Variants in EIF3B observed in about 807,000 individuals in gnomAD.
EIF3B encodes the protein eukaryotic translation initiation factor 3 subunit 9.
Under a neutral mutation model 104.6 loss-of-function variants are expected in EIF3B, and 10 were observed. The ratio of observed to expected loss-of-function variants is 0.10; its 90% confidence interval spans 0.06 to 0.16. The LOEUF is 0.16. Ranked by LOEUF, EIF3B falls within the 10% of genes least tolerant of loss-of-function variation. The pLI is 1.00. For missense variants in EIF3B, 1,014 were observed against 1,087.9 expected, an observed-to-expected ratio of 0.93 and a Z score of 0.96; for synonymous variants, 542 against 417.2, an observed-to-expected ratio of 1.30 and a Z score of -3.65.
chr7:2,367,002 A>G lies in EIF3B; in HGVS notation c.1360A>G (p.Met454Val), dbSNP rs1238394790. 30 of 1,612,332 alleles carry G rather than the reference A, an allele frequency of 1.9e-5. No individual in the cohort carries two copies. The highest frequency in any genetic ancestry group is 4.0e-5 in the African/African-American group (3 of 74,490). Reference protein sequence around the residue: ...DTLSIYETPSMGLLDKKSLKI... With the variant: ...DTLSIYETPSVGLLDKKSLKI... ...AGCCTTCCTTTTTTTTGGGCAGTCTATGGGTCTTTTGGACAAGAAGAGTTT... is the reference window on the plus strand; with the variant it reads ...AGCCTTCCTTTTTTTTGGGCAGTCTGTGGGTCTTTTGGACAAGAAGAGTTT... The change falls in exon 9 of 19, where the codon ATG becomes GTG. Residue 454 changes from methionine to valine, a missense_variant. Physicochemically the swap from Met to Val is conservative, Grantham distance 21. Transcript: ENST00000360876.
rs1243765450 is a variant in EIF3B at position 2,379,467 on chromosome 7, A to G, written c.2415A>G (p.Glu805=). The stretch of plus-strand genomic sequence containing the variant: ...AGACCATTGAGTTCTTCGTCACTGA[A>G]GAAATCATTCCCCTCGGGAATCAGG... ...EEETIEFFVT[E]EIIPLGNQE Residue 805 remains glutamate, a synonymous_variant, in exon 18 of 19, where the codon GAA becomes GAG. Transcript: ENST00000360876. 1 of 1,585,168 alleles carries G rather than the reference A, an allele frequency of 6.3e-7. No homozygotes were observed. Among genetic ancestry groups the G allele is most frequent in the Non-Finnish European group, 8.6e-7 (1 of 1,165,422 alleles).
rs1003553437 is a variant in EIF3B, at chr7:2,380,232, C to T, written c.*43C>T. The T allele has an allele frequency of 2.3e-6, 1 of 434,416 alleles. No homozygotes were observed. The highest frequency in any genetic ancestry group is 4.6e-6 in the Non-Finnish European group (1 of 217,192). The allele number at this position is 434,416 out of a possible 1,614,324, so 26.9% of individuals were successfully genotyped here. ...ACGGACTCCGCCTGCTGTTCCCGCG[C>T]TGAGCTACAGGACTCCCGAGTGTGA... On this transcript the variant is annotated 3_prime_UTR_variant, in exon 19 of 19. Coordinates refer to ENST00000360876, the MANE Select transcript of EIF3B (RefSeq NM_001037283.2).
chr7:2,379,428 C>G lies in EIF3B; in HGVS notation c.2376C>G (p.Asp792Glu). Residue 792 changes from aspartate (D) to glutamate (E), a missense_variant, in exon 18 of 19, where the codon GAC (aspartate) becomes GAG (glutamate). Around this residue, in one of 4 missense-constraint regions of EIF3B, gnomAD observed 266 missense variants for 324.0 expected, o/e 0.82. Coordinates refer to ENST00000360876, the MANE Select transcript of EIF3B (RefSeq NM_001037283.2). ...VDTDELDSNVDDWEEETIEFF... is the reference protein window; with the variant it reads ...VDTDELDSNVEDWEEETIEFF... ...CTGACGAGCTGGACAGCAACGTGGACGACTGGGAAGAGGAGACCATTGAGT... is the reference window on the plus strand; with the variant it reads ...CTGACGAGCTGGACAGCAACGTGGAGGACTGGGAAGAGGAGACCATTGAGT... The G allele has an allele frequency of 6.3e-7, 1 of 1,593,872 alleles. No homozygotes were observed. Among genetic ancestry groups the G allele is most frequent in the Non-Finnish European group, 8.5e-7 (1 of 1,170,012 alleles).
At position 2,367,063 on chromosome 7, in the gene EIF3B, T is replaced by C; in HGVS notation, c.1403+18T>C. ...GGGATAAAGTGAGTATTCTTATCAG[T>C]TTGGTGTCTTAGTGTGTTCAGGCTG... On this transcript the variant is annotated intron_variant, in intron 9 of 18. Transcript: ENST00000360876. 3 of 1,609,530 alleles carry C rather than the reference T, an allele frequency of 1.9e-6. No homozygotes were observed. The highest frequency in any genetic ancestry group is 2.5e-6 in the Non-Finnish European group (3 of 1,177,912).
intron 4 of EIF3B, among the ~76,000 whole-genome samples, 175 bp from the exon 5 acceptor site, chr7:2,363,457 C>T (rs1779847997): frequency 6.6e-6 from 1 of 151,588 alleles, no homozygotes; most frequent in Non-Finnish European, 1.5e-5. Flanking sequence ...TGGGCAACAG[C>T]GTGACTCTGT....
At chr7:2,375,977 T>C (rs1255806623) in intron 14 of EIF3B, 1 of 164,994 alleles carries the variant, frequency 6.1e-6, no homozygotes, top group Non-Finnish European at 1.3e-5. Context: ...AAAACATTGA[T>C]GGAGGCACTG....
At chr7:2,378,872 C>T (rs965810746) in intron 16 of EIF3B, 106 bp downstream of exon 16, 7 of 1,023,026 alleles carry the variant, frequency 6.8e-6, no homozygotes, top group Non-Finnish European at 1.0e-5. Flanking sequence ...GCCTCTGCTC[C>T]GAAGACACTG....
At chr7:2,370,528 C>T (rs565319593) in intron 10 of EIF3B, among the ~76,000 whole-genome samples, 2 of 152,274 alleles carry the variant, frequency 1.3e-5, no homozygotes, top group South Asian at 2.1e-4. Flanking sequence ...AAGTATTCTT[C>T]TTTCTTTTAT....
chr7:2,372,571 G>T (rs960118858), intron 11 of EIF3B, 102 bp from the exon 12 acceptor site: 8 of 1,416,408 alleles, frequency 5.6e-6, no homozygotes, highest in Non-Finnish European at 7.7e-6. Context: ...TTTACACGTC[G>T]GGGGATATTT....
intron 9 of EIF3B, among the ~76,000 whole-genome samples, chr7:2,367,550 A>G (rs1002830591): frequency 1.4e-4 from 22 of 151,880 alleles, no homozygotes; most frequent in African/African-American, 5.1e-4. Context: ...GCTCGCTGCA[A>G]CCTCCACCTC....
At position 2,362,060 on chromosome 7, in the gene EIF3B, A is replaced by G. The variant is rs1583155612; in HGVS notation, c.693-585A>G. On this transcript the variant is annotated intron_variant, in intron 2 of 18. Coordinates refer to ENST00000360876, the MANE Select transcript of EIF3B (RefSeq NM_001037283.2). ...CTGCAACCTCCGCCTCCCAGGCTCAAGCAATTCTCCTGCCTTAGCCTCCTG... is the reference window on the plus strand; with the variant it reads ...CTGCAACCTCCGCCTCCCAGGCTCAGGCAATTCTCCTGCCTTAGCCTCCTG... 2.0e-5 allele frequency among the ~76,000 whole-genome samples: 3 copies of G among 152,248 alleles called. No individual in the cohort carries two copies. In the East Asian group the frequency reaches 5.8e-4, roughly 29 times the overall value.
At chr7:2,365,367 A>T (rs564612292) in intron 6 of EIF3B, among the ~76,000 whole-genome samples, 177 of 151,866 alleles carry the variant, frequency 1.2e-3, no homozygotes, top group African/African-American at 4.2e-3. Context: ...ACAGTTGTGG[A>T]AGGCAGTGTG....
At chr7:2,356,483 T>G (rs1473251522) in intron 1 of EIF3B, among the ~76,000 whole-genome samples, 1 of 151,742 alleles carries the variant, frequency 6.6e-6, no homozygotes, top group Non-Finnish European at 1.5e-5. Context: ...GCACCTGGAT[T>G]TCCCAGCTAC....
In EIF3B at chr7:2,369,595, G is replaced by A; in HGVS notation, c.1527G>A (p.Leu509=). 6.2e-7 allele frequency: 1 copy of A among 1,614,106 alleles called. No homozygotes were observed. The highest frequency in any genetic ancestry group is 8.5e-7 in the Non-Finnish European group (1 of 1,180,018). Residue 509 remains leucine, a synonymous_variant, in exon 10 of 19, where the codon CTG becomes CTA. Transcript: ENST00000360876. ...PTRQEIRVRN[L]FNVVDCKLHW... is the part of the protein sequence containing the mutation. ...GGCAAGAGATCCGAGTGAGGAACCTGTTCAATGTGGTGGACTGCAAGCTCC... is the reference window on the plus strand; with the variant it reads ...GGCAAGAGATCCGAGTGAGGAACCTATTCAATGTGGTGGACTGCAAGCTCC...
chr7:2,362,204 C>T (rs891446292), intron 2 of EIF3B, among the ~76,000 whole-genome samples: 1 of 152,154 alleles, frequency 6.6e-6, no homozygotes, highest in African/African-American at 2.4e-5. Flanking sequence ...AAGTGATCTG[C>T]CCACCTTGGC....
Position 2,375,355 on chromosome 7 carries a change from C to T in EIF3B, c.1890-34C>T, listed in dbSNP as rs374792017. Reference sequence around the variant, plus strand: ...GTGGGATGCCAGGAGGTATGCGTCTCCATGAAGCCTGACGGTCCTGTCTGT... The same window carrying T: ...GTGGGATGCCAGGAGGTATGCGTCTTCATGAAGCCTGACGGTCCTGTCTGT... On this transcript the variant is annotated intron_variant, in intron 13 of 18. Transcript: ENST00000360876. The T allele has an allele frequency of 1.6e-5, 26 of 1,612,238 alleles. No individual in the cohort carries two copies. In the African/African-American group the frequency reaches 3.1e-4, roughly 19 times the overall value.
chr7:2,376,355 C>CT (rs1780631660), intron 14 of EIF3B: 1 of 143,728 alleles, frequency 7.0e-6, no homozygotes. Flanking sequence ...AAAAAAAAGA[C>CT]TTTTTAAGCT....
rs142344705 is a variant in EIF3B, at chr7:2,363,041, G to A, written c.813-29G>A. 6.8e-4 allele frequency: 1,103 copies of A among 1,613,328 alleles called. 8 individuals carry two copies. In the African/African-American group the frequency reaches 0.013, roughly 19 times the overall value. On this transcript the variant is annotated intron_variant, in intron 3 of 18. Coordinates refer to ENST00000360876, the MANE Select transcript of EIF3B (RefSeq NM_001037283.2). ...TTGCTCTTTCTAGTCGTCAGGGCGT[G>A]GGGCTCAGCAGTCTCCTTTCTTCTC... is the stretch of plus-strand genomic sequence containing the variant.
chr7:2,354,951 C>G lies in EIF3B; in HGVS notation c.30C>G (p.Pro10=). ...AGGACGCGGAGAACGTGGCGGTGCC[C>G]GAGGCGGCCGAGGAGCGCGCCGAGC... MQDAENVAV[P]EAAEERAEPG... The change falls in exon 1 of 19, where the codon CCC becomes CCG. Residue 10 remains proline (P), a synonymous_variant. Transcript: ENST00000360876. The G allele has an allele frequency of 3.3e-6, 4 of 1,223,902 alleles. No homozygotes were observed. The highest frequency in any genetic ancestry group is 4.1e-6 in the Non-Finnish European group (4 of 975,350). 75.8% of individuals were successfully genotyped at this position (1,223,902 alleles called of 1,614,324 possible).
Sources: gnomAD v4.1 joint callset for allele counts (sites outside exome capture counted in the v4.1 genomes callset) on GRCh38, gnomAD v4.1.1 for gene constraint, gnomAD v4.1.1 regional missense constraint, MANE v1.5 for transcripts, NCBI Gene and HGNC (gene_info 2026-07-23, HGNC 2026-07-21) for gene names.